Variants in SH3BGRL2 observed in about 807,000 individuals in gnomAD.
The protein encoded by SH3BGRL2 is SH3 domain-binding glutamic acid-rich-like protein 2.
Under a neutral mutation model 14.8 loss-of-function variants are expected in SH3BGRL2, and 21 were observed. That is an observed-to-expected ratio of 1.42 (90% CI 1.01 to 2.05). The LOEUF (loss-of-function observed/expected upper bound fraction) is 2.05, where lower values mean the gene tolerates loss of function less well. Ranked by LOEUF, SH3BGRL2 falls within the 30% of genes most tolerant of loss-of-function variation. The pLI is 0.00. For synonymous variants in SH3BGRL2, 50 were observed against 47.8 expected, an observed-to-expected ratio of 1.05 and a Z score of -0.19; for missense variants, 147 against 130.8, an observed-to-expected ratio of 1.12 and a Z score of -0.61.
At chr6:79,658,562 T>C (rs578139381) in intron 1 of SH3BGRL2, among the ~76,000 whole-genome samples, 17 of 152,236 alleles carry the variant, frequency 1.1e-4, no homozygotes, top group Non-Finnish European at 1.9e-4. Context: ...TTTGGGTTGG[T>C]TCCAAGTCTT....
At chr6:79,585,282 A>T in the SH3BGRL2 span, among the ~76,000 whole-genome samples, 2 of 152,086 alleles carry the variant, frequency 1.3e-5, no homozygotes, top group Admixed American at 6.6e-5. Flanking sequence ...GTATACCACT[A>T]GATTGTTCAT....
chr6:79,604,571 C>T, the SH3BGRL2 span, among the ~76,000 whole-genome samples: 1 of 152,186 alleles, frequency 6.6e-6, no homozygotes, highest in Non-Finnish European at 1.5e-5. Flanking sequence ...TTCCTGGGGG[C>T]AGTACCTCCC....
the SH3BGRL2 span, among the ~76,000 whole-genome samples, chr6:79,589,176 C>G: frequency 6.8e-6 from 1 of 146,870 alleles, no homozygotes; most frequent in Non-Finnish European, 1.5e-5. Context: ...ATGTTCAGTA[C>G]AGGTGAAATT....
At chr6:79,692,723 T>C (rs1157493965) in intron 2 of SH3BGRL2, among the ~76,000 whole-genome samples, 1 of 152,192 alleles carries the variant, frequency 6.6e-6, no homozygotes, top group Non-Finnish European at 1.5e-5. Context: ...TATATCTCTG[T>C]TTTGGTACCA....
At chr6:79,602,047 A>C in the SH3BGRL2 span, among the ~76,000 whole-genome samples, 1 of 152,202 alleles carries the variant, frequency 6.6e-6, no homozygotes, top group Non-Finnish European at 1.5e-5. Context: ...CCATACCAAC[A>C]CTTCGAATTT....
At chr6:79,697,203 T>A (rs1014918998) in intron 3 of SH3BGRL2, among the ~76,000 whole-genome samples, 1 of 152,178 alleles carries the variant, frequency 6.6e-6, no homozygotes, top group African/African-American at 2.4e-5. Context: ...TTTCTTTTTT[T>A]AAAACACACA....
At chr6:79,546,836 T>C in the SH3BGRL2 span, among the ~76,000 whole-genome samples, 2 of 151,912 alleles carry the variant, frequency 1.3e-5, no homozygotes, top group South Asian at 4.2e-4. Flanking sequence ...CGCGCCACCA[T>C]GCCCGGCTAA....
the SH3BGRL2 span, among the ~76,000 whole-genome samples, chr6:79,600,155 C>T: frequency 6.6e-6 from 1 of 152,222 alleles, no homozygotes; most frequent in Non-Finnish European, 1.5e-5. Context: ...TCTATAAAAT[C>T]CCTAGCAAGT....
the SH3BGRL2 span, among the ~76,000 whole-genome samples, chr6:79,581,023 A>G: frequency 6.6e-6 from 1 of 152,230 alleles, no homozygotes. Context: ...CTACGCAAAT[A>G]AACTAGAAAA....
the SH3BGRL2 span, among the ~76,000 whole-genome samples, chr6:79,555,556 G>C: frequency 6.6e-6 from 1 of 152,308 alleles, no homozygotes; most frequent in Admixed American, 6.5e-5. Flanking sequence ...CTGTCGCCAG[G>C]CTGGAGTGCA....
intron 1 of SH3BGRL2, among the ~76,000 whole-genome samples, chr6:79,659,890 T>A (rs1036311981): frequency 6.8e-6 from 1 of 148,118 alleles, no homozygotes; most frequent in Non-Finnish European, 1.5e-5. Context: ...TATTTTATTC[T>A]CTTTGTAGGA....
At chr6:79,540,325 C>T in the SH3BGRL2 span, among the ~76,000 whole-genome samples, 1 of 151,972 alleles carries the variant, frequency 6.6e-6, no homozygotes, top group East Asian at 1.9e-4. Flanking sequence ...GTCCCAGCTA[C>T]TCGGGAGGCT....
At chr6:79,584,257 G>A in the SH3BGRL2 span, among the ~76,000 whole-genome samples, 3 of 152,038 alleles carry the variant, frequency 2.0e-5, no homozygotes, top group Non-Finnish European at 4.4e-5. Flanking sequence ...CACATGAGAC[G>A]CCACCCAAGC....
intron 1 of SH3BGRL2, among the ~76,000 whole-genome samples, chr6:79,651,698 C>T (rs1357941003): frequency 6.6e-6 from 1 of 152,118 alleles, no homozygotes; most frequent in Non-Finnish European, 1.5e-5. Flanking sequence ...TGTCTTCATC[C>T]TCCAGAGAGG....
the SH3BGRL2 span, among the ~76,000 whole-genome samples, chr6:79,596,874 C>T: frequency 2.0e-5 from 3 of 152,036 alleles, no homozygotes; most frequent in African/African-American, 7.2e-5. Context: ...AAATTCATAC[C>T]TCCCAATTAC....
the SH3BGRL2 span, among the ~76,000 whole-genome samples, chr6:79,554,997 C>T: frequency 6.6e-6 from 1 of 151,912 alleles, no homozygotes. Context: ...AAGATATTTT[C>T]TTCACAATAG....
chr6:79,682,622 TG>T (rs925129427), intron 2 of SH3BGRL2, among the ~76,000 whole-genome samples: 1 of 152,174 alleles, frequency 6.6e-6, no homozygotes, highest in South Asian at 2.1e-4. Context: ...TCTCAGTACC[TG>T]GGGGGGCCCA....
the SH3BGRL2 span, among the ~76,000 whole-genome samples, chr6:79,593,461 G>A: frequency 0.011 from 1,666 of 152,230 alleles, 13 homozygotes; most frequent in Non-Finnish European, 0.017. Context: ...CAGAGGCAGC[G>A]TTGAGGAAAC....
At position 79,633,998 on chromosome 6, in the gene SH3BGRL2, C is replaced by G. The variant is rs147612320; in HGVS notation, c.45+2492C>G. Among the ~76,000 whole-genome samples, 4 of 152,276 alleles carry G rather than the reference C, an allele frequency of 2.6e-5. No individual in the cohort carries two copies. The East Asian group carries it at 7.7e-4, about 29-fold the overall frequency. ...TGTTTCATTTGGTACCCAACTGTGACGAGCAAGTGCATGGGAGAACAAATA... is the reference window on the plus strand; with the variant it reads ...TGTTTCATTTGGTACCCAACTGTGAGGAGCAAGTGCATGGGAGAACAAATA... On this transcript the variant is annotated intron_variant, in intron 1 of 3. Transcript: ENST00000369838.
Sources: gnomAD v4.1 joint callset for allele counts (sites outside exome capture counted in the v4.1 genomes callset) on GRCh38, gnomAD v4.1.1 for gene constraint, MANE v1.5 for transcripts, NCBI Gene and HGNC (gene_info 2026-07-23, HGNC 2026-07-21) for gene names.